The following MYO9B variants were observed in gnomAD, a reference collection of about 807,000 sequenced individuals.
MYO9B encodes unconventional myosin-IXb.
MYO9B carries 71 observed loss-of-function variants against 229.5 expected under a neutral mutation model. The ratio of observed to expected loss-of-function variants is 0.31; its 90% CI spans 0.26 to 0.38. The LOEUF is 0.38. Ranked by LOEUF, MYO9B falls within the 10% of genes least tolerant of loss-of-function variation. The pLI, the probability that MYO9B is intolerant of heterozygous loss-of-function variation, is 1.00. For synonymous variants in MYO9B, 1,185 were observed against 1,235.8 expected, an observed-to-expected ratio of 0.96 and a Z score of 0.86; for missense variants, 2,255 against 2,920.5, an observed-to-expected ratio of 0.77 and a Z score of 5.25.
At chr19:17,179,501 ACTACAACCTCTGC>A (rs1183173629) in intron 14 of MYO9B, among the ~76,000 whole-genome samples, 2 of 137,598 alleles carry the variant, frequency 1.5e-5, no homozygotes, top group East Asian at 4.4e-4. Flanking sequence ...ATCTCGGCTC[ACTACAACCTCTGC>A]CTCCCAGGTT....
At position 17,193,023 on chromosome 19, in the gene MYO9B, G is replaced by C. The variant is rs773341167; in HGVS notation, c.3089G>C (p.Arg1030Pro). 1 of 1,483,054 alleles carries C rather than the reference G, an allele frequency of 6.7e-7. No individual in the cohort carries two copies. The highest frequency in any genetic ancestry group is 9.0e-7 in the Non-Finnish European group (1 of 1,112,788). The allele number at this position is 1,483,054 out of a possible 1,614,324, so 91.9% of individuals were successfully genotyped here. A position where few individuals can be genotyped will look rare whatever the true frequency, so the allele number is the denominator to read the frequency against. The stretch of plus-strand genomic sequence containing the variant: ...CGGCACCAGAAACAGAGCATCATCC[G>C]CCTGCAGAGCCTGTGTCGGGGGCAC... ...LYRHQKQSII[R>P]LQSLCRGHLQ... Residue 1030 changes from arginine to proline, a missense_variant, in exon 21 of 40, where the codon CGC (arginine) becomes CCC (proline). By Grantham distance (103) the Arg-to-Pro change is moderately radical. Around this residue, in one of 7 missense-constraint regions of MYO9B, gnomAD observed 679 missense variants for 770.2 expected, o/e 0.88. Coordinates refer to ENST00000682292, the MANE Select transcript of MYO9B (RefSeq NM_004145.4). This position sits in a 1 kb window ranked among gnomAD's most constrained non-coding sequence, Gnocchi z 4.3.
intron 11 of MYO9B, among the ~76,000 whole-genome samples, chr19:17,168,939 A>AT (rs1227661338): frequency 6.6e-6 from 1 of 152,142 alleles, no homozygotes; most frequent in Non-Finnish European, 1.5e-5. Flanking sequence ...AAGGCACCTC[A>AT]TTCTGGGTCA....
intron 2 of MYO9B, among the ~76,000 whole-genome samples, chr19:17,106,409 A>G (rs757023047): frequency 1.3e-5 from 2 of 151,962 alleles, no homozygotes; most frequent in Non-Finnish European, 2.9e-5. Context: ...GAACTCGGGG[A>G]AGACTCTGGG....
At chr19:17,180,255 T>TAA in intron 14 of MYO9B, among the ~76,000 whole-genome samples, 1 of 148,016 alleles carries the variant, frequency 6.8e-6, no homozygotes, top group African/African-American at 2.5e-5. Flanking sequence ...AATAAATAAA[T>TAA]ATCCCCAAAG....
At chr19:17,201,277 G>A (rs1362872339) in intron 26 of MYO9B, among the ~76,000 whole-genome samples, 1 of 151,302 alleles carries the variant, frequency 6.6e-6, no homozygotes, top group Admixed American at 6.6e-5. Flanking sequence ...AAAGATTGAT[G>A]AAGCACTGTG....
chr19:17,152,464 G>A (rs991146581), intron 3 of MYO9B, 180 bp from the exon 4 acceptor site: 25 of 509,272 alleles, frequency 4.9e-5, no homozygotes, highest in South Asian at 2.8e-4. Context: ...TGTGGGGGCC[G>A]AGGCAAGAGA....
intron 1 of MYO9B, among the ~76,000 whole-genome samples, chr19:17,093,693 TGGGGG>T (rs764730738): frequency 2.7e-5 from 3 of 111,484 alleles, no homozygotes; most frequent in Non-Finnish European, 6.1e-5. Flanking sequence ...TTGCGGGGGG[TGGGGG>T]GGGGGGTGGT....
chr19:17,201,879 G>A, intron 26 of MYO9B, 47 bp from the exon 27 acceptor site: 1 of 1,467,156 alleles, frequency 6.8e-7, no homozygotes, highest in Non-Finnish European at 9.5e-7. Context: ...CGGGTACGCA[G>A]GTCCCCAGGC....
intron 1 of MYO9B, among the ~76,000 whole-genome samples, chr19:17,082,999 G>A (rs186764763): frequency 3.3e-5 from 5 of 150,924 alleles, no homozygotes; most frequent in Admixed American, 6.6e-5. Context: ...GTGGGTCCTC[G>A]AGGAGGCTGA....
chr19:17,195,210 C>T lies in MYO9B; in HGVS notation c.3783C>T (p.Ser1261=). 1.2e-6 allele frequency: 2 copies of T among 1,611,680 alleles called. No individual in the cohort carries two copies. The highest frequency in any genetic ancestry group is 1.7e-6 in the Non-Finnish European group (2 of 1,179,512). ...PTSLALDSRV[S]PPAPGSAPET... ...GCCTGGCCCTGGACAGCAGGGTCAG[C>T]CCACCGGCCCCTGGCAGCGCCCCCG... Residue 1261 remains serine (S), a synonymous_variant, in exon 22 of 40, where the codon AGC becomes AGT. Transcript: ENST00000682292. This position sits in a 1 kb window ranked among gnomAD's most constrained non-coding sequence, Gnocchi z 4.5.
Position 17,203,697 on chromosome 19 carries a change from C to A in MYO9B, c.4990+439C>A, listed in dbSNP as rs1211510110. On this transcript the variant is annotated intron_variant, in intron 30 of 39. Coordinates refer to ENST00000682292, the MANE Select transcript of MYO9B (RefSeq NM_004145.4). ...CCGTTGTCCCAGCCATATCCCACCC[C>A]CTCAAACCGTCCACCATCACCGGAG... Among the ~76,000 whole-genome samples, 4 of 152,092 alleles carry A rather than the reference C, an allele frequency of 2.6e-5. No individual in the cohort carries two copies. The South Asian group carries it at 8.3e-4, about 32-fold the overall frequency.
At chr19:17,134,002 C>T (rs7507274) in intron 2 of MYO9B, among the ~76,000 whole-genome samples, 30,899 of 152,038 alleles carry the variant, frequency 0.2, 3,708 homozygotes, top group African/African-American at 0.33. Flanking sequence ...ACCTCATGAT[C>T]TGCCCGCCTC....
chr19:17,206,225 G>GTGGGGGCCCCCCCCCC, intron 32 of MYO9B, 23 bp from the exon 33 acceptor site: 1 of 1,564,670 alleles, frequency 6.4e-7, no homozygotes, highest in Non-Finnish European at 8.7e-7. Flanking sequence ...CCGCTCACCA[G>GTGGGGGCCCCCCCCCC]ACCCACCCCA....
At chr19:17,076,100 TG>T (rs113313584) in intron 1 of MYO9B, among the ~76,000 whole-genome samples, 134 of 134,960 alleles carry the variant, frequency 9.9e-4, no homozygotes, top group African/African-American at 3.2e-3. Context: ...TTCGAGGGCG[TG>T]GGGGGGGTGA....
intron 35 of MYO9B, among the ~76,000 whole-genome samples, chr19:17,209,162 G>A (rs2073197061): frequency 6.6e-6 from 1 of 152,152 alleles, no homozygotes; most frequent in South Asian, 2.1e-4. Context: ...TGACCACTCC[G>A]AGCTGAGACC....
intron 19 of MYO9B, among the ~76,000 whole-genome samples, chr19:17,190,110 G>A (rs1027012592): frequency 1.3e-5 from 2 of 151,408 alleles, no homozygotes; most frequent in African/African-American, 4.9e-5. Context: ...CTGGCATGGT[G>A]GCTCACACCT....
chr19:17,205,590 C>T (rs1258180072), intron 31 of MYO9B, among the ~76,000 whole-genome samples: 1 of 152,164 alleles, frequency 6.6e-6, no homozygotes, highest in Admixed American at 6.5e-5. Context: ...TGAGAGAGTC[C>T]TGAGCCATGC....
Position 17,210,373 on chromosome 19 carries a change from G to C in MYO9B, c.5789G>C (p.Gly1930Ala), listed in dbSNP as rs368632188. Reference sequence around the variant, plus strand: ...CTGGGGTTTTCGTCTCCCTATGAGGGGGTCCTGGTATGTACGCGTTCGGTG... The same window carrying C: ...CTGGGGTTTTCGTCTCCCTATGAGGCGGTCCTGGTATGTACGCGTTCGGTG... ...LKLGFSSPYE[G>A]VLNKSPKTRD... The change falls in exon 37 of 40, where the codon GGG becomes GCG. Residue 1930 changes from glycine (G) to alanine (A), a missense_variant. Around this residue, in one of 7 missense-constraint regions of MYO9B, gnomAD observed 331 missense variants for 332.5 expected, o/e 1.00. Coordinates refer to ENST00000682292, the MANE Select transcript of MYO9B (RefSeq NM_004145.4). The C allele has an allele frequency of 1.1e-5, 18 of 1,597,578 alleles. No individual in the cohort carries two copies. Among genetic ancestry groups the C allele is most frequent in the Non-Finnish European group, 1.5e-5 (17 of 1,171,894 alleles).
intron 1 of MYO9B, among the ~76,000 whole-genome samples, chr19:17,091,271 G>A (rs1157362910): frequency 6.6e-6 from 1 of 152,224 alleles, no homozygotes; most frequent in African/African-American, 2.4e-5. Context: ...TGTGGCCCAG[G>A]CTGGAGTGCA....
Sources: gnomAD v4.1 joint callset for allele counts (sites outside exome capture counted in the v4.1 genomes callset) on GRCh38, gnomAD v4.1.1 for gene constraint, gnomAD v4.1.1 regional missense constraint, Gnocchi (gnomAD v3.1) non-coding constraint, MANE v1.5 for transcripts, NCBI Gene and HGNC (gene_info 2026-07-23, HGNC 2026-07-21) for gene names.